The following ZNF253 variants were observed in gnomAD, a reference collection of about 807,000 sequenced individuals.
ZNF253 encodes zinc finger protein 253.
In ZNF253, 8 loss-of-function variants were observed where a neutral mutation model predicts 11.9. That is an observed-to-expected ratio of 0.67 (90% CI 0.40 to 1.22). ZNF253 has a LOEUF of 1.22. ZNF253 is among the 50% of genes most tolerant of loss of function. The pLI is 0.01. For synonymous variants in ZNF253, 194 were observed against 194.9 expected (o/e 1.00, Z 0.04); for missense variants, 485 against 586.9 (o/e 0.83, Z 1.79).
chr19:19,868,026 G>T (rs2063118639), intron 1 of ZNF253, among the ~76,000 whole-genome samples: 2 of 146,060 alleles, frequency 1.4e-5, no homozygotes, highest in East Asian at 2.0e-4. Flanking sequence ...ATGTTTTTTT[G>T]GCCTATTTTT....
chr19:19,886,814 G>A (rs2063208138), intron 3 of ZNF253, among the ~76,000 whole-genome samples: 1 of 152,026 alleles, frequency 6.6e-6, no homozygotes, highest in Non-Finnish European at 1.5e-5. Context: ...TCCTCTATAT[G>A]CAAAATAATT....
At chr19:19,888,457 G>A (rs997972022) in intron 3 of ZNF253, among the ~76,000 whole-genome samples, 2 of 150,272 alleles carry the variant, frequency 1.3e-5, no homozygotes, top group Non-Finnish European at 3.0e-5. Context: ...GTATTGATAT[G>A]CTTTTAATTT....
intron 1 of ZNF253, among the ~76,000 whole-genome samples, chr19:19,874,783 G>C (rs571204591): frequency 5.7e-4 from 87 of 151,840 alleles, no homozygotes; most frequent in African/African-American, 2.0e-3. Context: ...GTGGTGGTGG[G>C]CGCCTGTAGT....
At position 19,891,508 on chromosome 19, in the gene ZNF253, A is replaced by G. The variant is rs1340765913; in HGVS notation, c.261A>G (p.Pro87=). Residue 87 remains proline (P), a synonymous_variant, in exon 4 of 4, where the codon CCA becomes CCG. Coordinates refer to ENST00000589717, the MANE Select transcript of ZNF253 (RefSeq NM_021047.3). The part of the protein sequence containing the change: ...MSSHFAQDLW[P]ENIQNSFQIG... The stretch of plus-strand genomic sequence containing the variant: ...CTCATTTTGCCCAAGACCTTTGGCC[A>G]GAGAACATACAAAATTCTTTCCAAA... 6.2e-7 allele frequency: 1 copy of G among 1,609,794 alleles called. No homozygotes were observed.
Position 19,891,848 on chromosome 19 carries a change from A to G in ZNF253, c.601A>G (p.Arg201Gly), listed in dbSNP as rs2063231869. ...AATTCATACTGGAGAGAAACCTTAC[A>G]GATGTGAAGAATGTGGCAAAGCTTT... The part of the protein sequence containing the change: ...KKIHTGEKPY[R>G]CEECGKAFNQ... The change falls in exon 4 of 4, where the codon AGA becomes GGA. Residue 201 changes from arginine (R) to glycine (G), a missense_variant. Transcript: ENST00000589717. 2 of 1,614,092 alleles carry G rather than the reference A, an allele frequency of 1.2e-6. No individual in the cohort carries two copies. Among genetic ancestry groups the G allele is most frequent in the Admixed American group, 1.7e-5 (1 of 60,002 alleles).
At chr19:19,866,134 T>C in intron 1 of ZNF253, 135 bp downstream of exon 1, 1 of 1,135,822 alleles carries the variant, frequency 8.8e-7, no homozygotes, top group South Asian at 1.4e-5. Context: ...CAGCTCGGCC[T>C]CAGTCCCCTT....
intron 1 of ZNF253, among the ~76,000 whole-genome samples, chr19:19,870,383 T>C (rs1176900542): frequency 6.7e-6 from 1 of 149,336 alleles, no homozygotes; most frequent in East Asian, 1.9e-4. Flanking sequence ...CAGAATGAGA[T>C]TGTGTCTCAA....
At chr19:19,873,002 C>T (rs969598368) in intron 1 of ZNF253, among the ~76,000 whole-genome samples, 18 of 152,066 alleles carry the variant, frequency 1.2e-4, no homozygotes, top group Admixed American at 2.0e-4. Flanking sequence ...GGATTGTGAA[C>T]GTACAGAAAA....
chr19:19,886,967 A>G (rs2063208808), intron 3 of ZNF253, among the ~76,000 whole-genome samples: 1 of 151,994 alleles, frequency 6.6e-6, no homozygotes, highest in Admixed American at 6.6e-5. Flanking sequence ...GTTGCTTTAT[A>G]TATTTTGGAG....
chr19:19,892,349 T>C lies in ZNF253; in HGVS notation c.1102T>C (p.Tyr368His). The C allele has an allele frequency of 1.2e-5, 19 of 1,613,942 alleles. No individual in the cohort carries two copies. The highest frequency in any genetic ancestry group is 1.6e-5 in the Non-Finnish European group (19 of 1,179,942). Reference protein sequence around the residue: ...HKILHTGEKPYRCRECGKAFN... With the variant: ...HKILHTGEKPHRCRECGKAFN... The stretch of plus-strand genomic sequence containing the variant: ...GATACTTCATACTGGAGAGAAACCC[T>C]ACAGATGTAGAGAATGTGGCAAAGC... The change falls in exon 4 of 4, where the codon TAC becomes CAC. Residue 368 changes from tyrosine (Y) to histidine (H), a missense_variant. Coordinates refer to ENST00000589717, the MANE Select transcript of ZNF253 (RefSeq NM_021047.3).
intron 1 of ZNF253, among the ~76,000 whole-genome samples, chr19:19,874,450 G>C (rs534553355): frequency 6.6e-6 from 1 of 152,098 alleles, no homozygotes; most frequent in Non-Finnish European, 1.5e-5. Flanking sequence ...CTTGAACCTA[G>C]GAGGCGGAGG....
chr19:19,884,467 G>A (rs2063190534), intron 3 of ZNF253, among the ~76,000 whole-genome samples: 1 of 152,002 alleles, frequency 6.6e-6, no homozygotes, highest in Admixed American at 6.6e-5. Flanking sequence ...TGCCTTTGGG[G>A]TTCAAGCGAT....
chr19:19,882,192 TAAAA>T (rs57408628), intron 3 of ZNF253, among the ~76,000 whole-genome samples: 1 of 136,048 alleles, frequency 7.4e-6, no homozygotes, highest in Non-Finnish European at 1.7e-5. Context: ...TCCGTCTCAA[TAAAA>T]AAAAAAAAAA....
intron 2 of ZNF253, 83 bp from the exon 3 acceptor site, chr19:19,879,968 C>T: frequency 1.4e-6 from 1 of 701,188 alleles, no homozygotes. Flanking sequence ...AATATTTTAT[C>T]ACATCCTCTC....
At position 19,891,699 on chromosome 19, in the gene ZNF253, A is replaced by G. The variant is rs2063230799; in HGVS notation, c.452A>G (p.Lys151Arg). ...ATATTTCAATGTGATAAATATGGAA[A>G]AGTCTTTCATAAGTTTTCAAATTCA... Reference protein sequence around the residue: ...KEIFQCDKYGKVFHKFSNSNT... With the variant: ...KEIFQCDKYGRVFHKFSNSNT... The change falls in exon 4 of 4, where the codon AAA (lysine) becomes AGA (arginine). Residue 151 changes from lysine to arginine, a missense_variant. By Grantham distance (26) the Lys-to-Arg change is conservative. Around this residue, in one of 3 missense-constraint regions of ZNF253, gnomAD observed 218 missense variants for 213.1 expected, o/e 1.02. Transcript: ENST00000589717. 2 of 1,614,104 alleles carry G rather than the reference A, an allele frequency of 1.2e-6. No individual in the cohort carries two copies. Among genetic ancestry groups the G allele is most frequent in the Non-Finnish European group, 8.5e-7 (1 of 1,179,974 alleles).
rs1480286213 is a variant in ZNF253, at chr19:19,893,272, CTGG to C, written c.*526_*528del. The stretch of plus-strand genomic sequence containing the variant: ...GGGTTACAGGCGTGAGCCACCATGC[CTGG>C]CTACAAGTTCTTAATTCTTAAGAGA... On this transcript the variant is annotated 3_prime_UTR_variant, in exon 4 of 4. Coordinates refer to ENST00000589717, the MANE Select transcript of ZNF253 (RefSeq NM_021047.3). 1.5e-5 allele frequency: 1 copy of C among 65,628 alleles called. No homozygotes were observed. The highest frequency in any genetic ancestry group is 1.6e-4 in the African/African-American group (1 of 6,156). The allele number at this position is 65,628 out of a possible 1,614,324, so 4.1% of individuals were successfully genotyped here. A position where few individuals can be genotyped will look rare whatever the true frequency, so the allele number is the denominator to read the frequency against.
At position 19,891,804 on chromosome 19, in the gene ZNF253, C is replaced by A. The variant is rs1332269135; in HGVS notation, c.557C>A (p.Thr186Asn). ...ICGKAFKRSSTLTTHKKIHTG... is the reference protein window; with the variant it reads ...ICGKAFKRSSNLTTHKKIHTG... Reference sequence around the variant, plus strand: ...GGCAAAGCTTTTAAACGGTCCTCAACCCTTACTACACATAAGAAAATTCAT... The same window carrying A: ...GGCAAAGCTTTTAAACGGTCCTCAAACCTTACTACACATAAGAAAATTCAT... The change falls in exon 4 of 4, where the codon ACC (threonine) becomes AAC (asparagine). Residue 186 changes from threonine to asparagine, a missense_variant. Transcript: ENST00000589717. 5 of 1,613,992 alleles carry A rather than the reference C, an allele frequency of 3.1e-6. No individual in the cohort carries two copies. In the African/African-American group the frequency reaches 4.0e-5, roughly 13 times the overall value.
At chr19:19,870,391 C>CAA (rs1045415774) in intron 1 of ZNF253, among the ~76,000 whole-genome samples, 13 of 76,858 alleles carry the variant, frequency 1.7e-4, no homozygotes, top group East Asian at 4.6e-4. Flanking sequence ...GATTGTGTCT[C>CAA]AAAAAAAAAA....
At chr19:19,880,264 T>C in intron 3 of ZNF253, 118 bp downstream of exon 3, 1 of 557,656 alleles carries the variant, frequency 1.8e-6, no homozygotes, top group South Asian at 2.1e-5. Context: ...AAATAGGTCC[T>C]GGGCAGCTGT....
Sources: allele counts gnomAD v4.1 joint callset (sites outside exome capture counted in the v4.1 genomes callset), GRCh38; gene constraint gnomAD v4.1.1; regional missense constraint gnomAD v4.1.1; transcripts MANE v1.5; gene names NCBI Gene and HGNC (gene_info 2026-07-23, HGNC 2026-07-21).